The following PARD6G variants were observed in gnomAD, a reference collection of about 807,000 sequenced individuals.
PARD6G encodes the protein par-6 family cell polarity regulator gamma.
In PARD6G, 7 loss-of-function variants were observed where a neutral mutation model predicts 10.7. The ratio of observed to expected loss-of-function variants is 0.66; its 90% CI spans 0.37 to 1.23. PARD6G has a LOEUF of 1.23. PARD6G is among the 50% of genes most tolerant of loss of function. The probability of loss-of-function intolerance (pLI) is 0.02; values close to 1 mark genes in which losing one functional copy is unlikely to be tolerated. For synonymous variants in PARD6G, 287 were observed against 269.4 expected, an observed-to-expected ratio of 1.07 and a Z score of -0.64; for missense variants, 548 against 571.8, an observed-to-expected ratio of 0.96 and a Z score of 0.42.
intron 1 of PARD6G, among the ~76,000 whole-genome samples, chr18:80,212,332 G>C (rs1967117440): frequency 6.6e-6 from 1 of 152,182 alleles, no homozygotes; most frequent in Admixed American, 6.5e-5. Flanking sequence ...GAATAAACAG[G>C]TTGGAAAATA....
rs2052855169 is a variant in PARD6G, at chr18:80,182,905, T to A, written c.295+19805A>T. 2 of 586,348 alleles carry A rather than the reference T, an allele frequency of 3.4e-6. No homozygotes were observed. Among genetic ancestry groups the A allele is most frequent in the African/African-American group, 3.7e-5 (2 of 53,576 alleles). 36.3% of individuals were successfully genotyped at this position (586,348 alleles called of 1,614,324 possible). On this transcript the variant is annotated intron_variant, in intron 2 of 2. Transcript: ENST00000353265. The surrounding 1 kb of genome is among the most constrained non-coding windows in gnomAD (Gnocchi z 4.5). ...AGTTCTAGGTACAGGGCTAGATGTT[T>A]GGCTGAAGCTGCGTGTGCCACAACA...
At chr18:80,235,607 C>T (rs1348306826) in intron 1 of PARD6G, among the ~76,000 whole-genome samples, 5 of 151,906 alleles carry the variant, frequency 3.3e-5, no homozygotes, top group African/African-American at 4.8e-5. Context: ...ATTGATAGAC[C>T]GCTAGCAAGA....
At position 80,200,740 on chromosome 18, in the gene PARD6G, A is replaced by G. The variant is rs1196048764; in HGVS notation, c.295+1970T>C. Among the ~76,000 whole-genome samples, 1 of 152,236 alleles carries G rather than the reference A, an allele frequency of 6.6e-6. No homozygotes were observed. The highest frequency in any genetic ancestry group is 2.4e-5 in the African/African-American group (1 of 41,472). ...GAAGACTGAACACAGGGCCCCAGCC[A>G]GCAAGCTGGAAAGAGGCAGAGTGTC... is the stretch of plus-strand genomic sequence containing the variant. On this transcript the variant is annotated intron_variant, in intron 2 of 2. Coordinates refer to ENST00000353265, the MANE Select transcript of PARD6G (RefSeq NM_032510.4). This position sits in a 1 kb window ranked among gnomAD's most constrained non-coding sequence, Gnocchi z 4.4.
chr18:80,234,891 T>A (rs1237284771), intron 1 of PARD6G, among the ~76,000 whole-genome samples: 1 of 151,998 alleles, frequency 6.6e-6, no homozygotes, highest in Admixed American at 6.6e-5. Context: ...AGACTTAGAC[T>A]CCCACACAAT....
intron 1 of PARD6G, among the ~76,000 whole-genome samples, chr18:80,214,819 A>C (rs1190785130): frequency 1.3e-5 from 2 of 152,202 alleles, no homozygotes. Context: ...ATTTTCCATT[A>C]AACTTTTCAT....
intron 2 of PARD6G, among the ~76,000 whole-genome samples, chr18:80,173,907 C>T (rs1037486959): frequency 6.6e-6 from 1 of 152,162 alleles, no homozygotes; most frequent in Non-Finnish European, 1.5e-5. Flanking sequence ...AGTCCTGGGG[C>T]AGTTTCCAGG....
At chr18:80,224,834 G>A (rs902903441) in intron 1 of PARD6G, among the ~76,000 whole-genome samples, 3 of 148,756 alleles carry the variant, frequency 2.0e-5, no homozygotes, top group Non-Finnish European at 4.4e-5. Flanking sequence ...TCGACAGAGT[G>A]AGACTCCGTT....
chr18:80,203,012 T>A (rs1967023876), intron 1 of PARD6G, 80 bp from the exon 2 acceptor site: 2 of 920,028 alleles, frequency 2.2e-6, no homozygotes, highest in Non-Finnish European at 1.7e-6. Context: ...GTGGTTAGTG[T>A]ACTTAACAAA....
chr18:80,247,156 A>G lies in PARD6G; in HGVS notation c.72+121T>C, dbSNP rs1428037972. The G allele has an allele frequency of 3.0e-6, 2 of 673,196 alleles. No homozygotes were observed. The highest frequency in any genetic ancestry group is 4.5e-6 in the Non-Finnish European group (2 of 446,512). 41.7% of individuals were successfully genotyped at this position (673,196 alleles called of 1,614,324 possible). ...CCCGCGGAGCGGCGCGCGGCGCCCG[A>G]ACTGGAAAGTTGTCGCCGGCGCCTG... On this transcript the variant is annotated intron_variant, in intron 1 of 2. Coordinates refer to ENST00000353265, the MANE Select transcript of PARD6G (RefSeq NM_032510.4). This position sits in a 1 kb window ranked among gnomAD's most constrained non-coding sequence, Gnocchi z 4.2.
intron 1 of PARD6G, among the ~76,000 whole-genome samples, chr18:80,233,892 A>G (rs147117080): frequency 5.9e-5 from 9 of 152,330 alleles, no homozygotes; most frequent in Admixed American, 3.3e-4. Flanking sequence ...AAATGCACCC[A>G]TTCAGCAGGC....
At chr18:80,226,062 C>A (rs1031684697) in intron 1 of PARD6G, among the ~76,000 whole-genome samples, 1 of 150,300 alleles carries the variant, frequency 6.7e-6, no homozygotes, top group Non-Finnish European at 1.5e-5. Context: ...TTGAATAGGG[C>A]TATATAACCA....
chr18:80,241,326 T>C (rs183537589), intron 1 of PARD6G, among the ~76,000 whole-genome samples: 1 of 152,304 alleles, frequency 6.6e-6, no homozygotes, highest in Non-Finnish European at 1.5e-5. Flanking sequence ...ACCCCACTTA[T>C]GAGCTTTATG....
Position 80,160,437 on chromosome 18 carries a change from C to A in PARD6G, c.465G>T (p.Thr155=). The A allele has an allele frequency of 6.3e-7, 1 of 1,584,614 alleles. No homozygotes were observed. The highest frequency in any genetic ancestry group is 8.6e-7 in the Non-Finnish European group (1 of 1,165,400). The change falls in exon 3 of 3, where the codon ACG becomes ACT. Residue 155 remains threonine, a synonymous_variant. Transcript: ENST00000353265. Reference sequence around the variant, plus strand: ...GCCGGTGCAGCCGCACTCGCCGGTGCGTCTCGGGGACCAGGTCCACATCGA... The same window carrying A: ...GCCGGTGCAGCCGCACTCGCCGGTGAGTCTCGGGGACCAGGTCCACATCGA... ...SIIDVDLVPE[T]HRRVRLHRHG...
chr18:80,197,227 T>C (rs1394148693), intron 2 of PARD6G, among the ~76,000 whole-genome samples: 1 of 152,188 alleles, frequency 6.6e-6, no homozygotes, highest in African/African-American at 2.4e-5. Context: ...AAACCAAACA[T>C]ACCTCTAGCT....
At chr18:80,213,179 A>G (rs552950691) in intron 1 of PARD6G, among the ~76,000 whole-genome samples, 6 of 152,346 alleles carry the variant, frequency 3.9e-5, no homozygotes, top group African/African-American at 1.4e-4. Flanking sequence ...AATGGTTAAG[A>G]TGATGAAGTT....
At chr18:80,208,485 T>A (rs4799145) in intron 1 of PARD6G, among the ~76,000 whole-genome samples, 1,542 of 152,316 alleles carry the variant, frequency 0.01, 79 homozygotes, top group Admixed American at 0.081. Flanking sequence ...ACAGGACGGC[T>A]GCTTCAACAT....
chr18:80,179,761 C>T lies in PARD6G; in HGVS notation c.296-19155G>A, dbSNP rs898018011. Among the ~76,000 whole-genome samples, 63 of 152,360 alleles carry T rather than the reference C, an allele frequency of 4.1e-4. 1 individual carries two copies. The highest frequency in any genetic ancestry group is 5.6e-4 in the Non-Finnish European group (38 of 68,034). On this transcript the variant is annotated intron_variant, in intron 2 of 2. Transcript: ENST00000353265. ...ATGCCCATGCCATGGGTTCCGTGCA[C>T]GGCGGTCACCATCACCACACGGAGT... is the stretch of plus-strand genomic sequence containing the variant.
At chr18:80,203,710 G>A (rs1489857135) in intron 1 of PARD6G, among the ~76,000 whole-genome samples, 6 of 152,156 alleles carry the variant, frequency 3.9e-5, no homozygotes, top group African/African-American at 1.4e-4. Context: ...ACGCAAGGCC[G>A]GATGAAACCT....
At chr18:80,233,087 G>C (rs749631626) in intron 1 of PARD6G, among the ~76,000 whole-genome samples, 1 of 152,162 alleles carries the variant, frequency 6.6e-6, no homozygotes, top group Non-Finnish European at 1.5e-5. Flanking sequence ...CTCATCTCCT[G>C]AGGAGTGGAG....
Sources: allele counts gnomAD v4.1 joint callset (sites outside exome capture counted in the v4.1 genomes callset), GRCh38; gene constraint gnomAD v4.1.1; non-coding constraint Gnocchi (gnomAD v3.1); transcripts MANE v1.5; gene names NCBI Gene and HGNC (gene_info 2026-07-23, HGNC 2026-07-21).